Variants in SAMMSON observed in about 807,000 individuals in gnomAD.
SAMMSON encodes the protein long intergenic non-protein coding RNA 1212.
At chr3:70,023,283 C>T (rs564008042) in intron 3 of SAMMSON, among the ~76,000 whole-genome samples, 9 of 151,556 alleles carry the variant, frequency 5.9e-5, no homozygotes, top group East Asian at 2.0e-4. Context: ...AGCGAAACCC[C>T]GTCTCTAGTA....
intron 7 of SAMMSON, among the ~76,000 whole-genome samples, chr3:70,304,046 T>C (rs186083807): frequency 6.6e-5 from 10 of 152,294 alleles, no homozygotes; most frequent in Admixed American, 2.0e-4. Flanking sequence ...ACTATATCTT[T>C]AGTAGGCATT....
chr3:70,140,965 T>C (rs1039988194), intron 4 of SAMMSON, among the ~76,000 whole-genome samples: 1 of 152,190 alleles, frequency 6.6e-6, no homozygotes, highest in East Asian at 1.9e-4. Context: ...CCTTTCTCTC[T>C]GGGACTTCAT....
chr3:70,293,497 C>T (rs1702259815), intron 7 of SAMMSON, among the ~76,000 whole-genome samples: 1 of 152,006 alleles, frequency 6.6e-6, no homozygotes, highest in Non-Finnish European at 1.5e-5. Context: ...GCTGATCCTA[C>T]TATTGTGATG....
In SAMMSON at chr3:70,229,874, C is replaced by T. The variant is rs572669370; in HGVS notation, n.508-19233C>T. ...TACTGTCAATCAGCCTAGCTAATAA[C>T]ATGTTAATTTGGGATACAACTTATA... On this transcript the variant is annotated intron_variant and non_coding_transcript_variant, in intron 4 of 9. Coordinates refer to ENST00000642114, the Ensembl canonical transcript of SAMMSON. 5.9e-5 allele frequency among the ~76,000 whole-genome samples: 9 copies of T among 152,204 alleles called. No individual in the cohort carries two copies. In the South Asian group the frequency reaches 1.9e-3, roughly 32 times the overall value.
chr3:70,350,424 G>A (rs71298340), intron 7 of SAMMSON, among the ~76,000 whole-genome samples: 10,881 of 151,942 alleles, frequency 0.072, 602 homozygotes, highest in East Asian at 0.28. Flanking sequence ...TTAAAGTATA[G>A]TATTGGTATC....
intron 3 of SAMMSON, among the ~76,000 whole-genome samples, chr3:70,049,771 G>A (rs1201279025): frequency 1.3e-5 from 2 of 152,014 alleles, no homozygotes; most frequent in African/African-American, 2.4e-5. Flanking sequence ...GAAACAGTAC[G>A]TTGGTCTTAA....
chr3:70,361,516 C>T (rs1437732343), intron 9 of SAMMSON, among the ~76,000 whole-genome samples: 1 of 152,178 alleles, frequency 6.6e-6, no homozygotes, highest in African/African-American at 2.4e-5. Flanking sequence ...GCAACAAGCC[C>T]CTTCCCCACT....
chr3:70,021,250 A>G (rs906278726), intron 3 of SAMMSON, among the ~76,000 whole-genome samples: 2 of 152,160 alleles, frequency 1.3e-5, no homozygotes, highest in Non-Finnish European at 2.9e-5. Context: ...TAGTGTAATG[A>G]GTTCTCATTT....
intron 4 of SAMMSON, among the ~76,000 whole-genome samples, chr3:70,229,464 C>T (rs912556022): frequency 6.6e-6 from 1 of 152,178 alleles, no homozygotes; most frequent in Non-Finnish European, 1.5e-5. Context: ...CATAGCAGAA[C>T]TTGCTTCCTT....
At position 70,294,447 on chromosome 3, in the gene SAMMSON, T is replaced by C. The variant is rs551861739; in HGVS notation, n.739+3204T>C. 2.0e-5 allele frequency among the ~76,000 whole-genome samples: 3 copies of C among 152,138 alleles called. No individual in the cohort carries two copies. In the South Asian group the frequency reaches 6.2e-4, roughly 32 times the overall value. On this transcript the variant is annotated intron_variant and non_coding_transcript_variant, in intron 7 of 9. Transcript: ENST00000642114. ...GAATATAGAAAGGAATAAGAAACCA[T>C]ATATTCCCTGACAGTTTCAAAAAAG...
intron 4 of SAMMSON, among the ~76,000 whole-genome samples, chr3:70,074,164 T>C (rs1410159480): frequency 6.6e-6 from 1 of 152,096 alleles, no homozygotes; most frequent in Non-Finnish European, 1.5e-5. Context: ...AATTACGTAA[T>C]TCTTATGTTT....
Position 70,036,539 on chromosome 3 carries a change from T to A in SAMMSON, n.417+22867T>A, listed in dbSNP as rs141316005. Among the ~76,000 whole-genome samples, 9 of 152,288 alleles carry A rather than the reference T, an allele frequency of 5.9e-5. No homozygotes were observed. The East Asian group carries it at 1.5e-3, about 26-fold the overall frequency. The stretch of plus-strand genomic sequence containing the variant: ...TAACCCAATTCTGACCAATGAAAGT[T>A]GGACCCAGGACTTTTGTTCTAGCTT... On this transcript the variant is annotated intron_variant and non_coding_transcript_variant, in intron 3 of 9. Transcript: ENST00000642114.
intron 7 of SAMMSON, among the ~76,000 whole-genome samples, chr3:70,347,638 C>T (rs1702761461): frequency 2.0e-5 from 3 of 152,146 alleles, no homozygotes; most frequent in Admixed American, 2.0e-4. Context: ...GTTCTAGGTA[C>T]TTGGATACAG....
intron 4 of SAMMSON, among the ~76,000 whole-genome samples, chr3:70,219,091 T>C (rs1168373082): frequency 6.6e-6 from 1 of 152,206 alleles, no homozygotes; most frequent in Admixed American, 6.5e-5. Context: ...ATAGTCATTA[T>C]AGTCAAGGCT....
chr3:70,135,193 T>C (rs929485602), intron 4 of SAMMSON, among the ~76,000 whole-genome samples: 4 of 152,282 alleles, frequency 2.6e-5, no homozygotes, highest in Admixed American at 6.5e-5. Context: ...CATTGTTTTA[T>C]CATGTCAATA....
At chr3:70,297,577 G>A (rs879290239) in intron 7 of SAMMSON, among the ~76,000 whole-genome samples, 2 of 152,092 alleles carry the variant, frequency 1.3e-5, no homozygotes, top group Non-Finnish European at 2.9e-5. Context: ...ATGTATATTT[G>A]TGTTATCGGA....
At chr3:70,121,894 A>G (rs897860970) in intron 4 of SAMMSON, among the ~76,000 whole-genome samples, 2 of 152,130 alleles carry the variant, frequency 1.3e-5, no homozygotes, top group African/African-American at 4.8e-5. Context: ...TCCCCCCTGC[A>G]CAATGTTGTT....
At chr3:70,077,083 C>G (rs1195351086) in intron 4 of SAMMSON, among the ~76,000 whole-genome samples, 1 of 152,144 alleles carries the variant, frequency 6.6e-6, no homozygotes, top group African/African-American at 2.4e-5. Context: ...AACTCTGTGA[C>G]TGGCTCGCCT....
intron 4 of SAMMSON, among the ~76,000 whole-genome samples, chr3:70,233,069 G>A (rs955012473): frequency 6.6e-6 from 1 of 152,098 alleles, no homozygotes; most frequent in African/African-American, 2.4e-5. Context: ...TGCGCCTGTG[G>A]TCTCAGCTAA....
Sources: gnomAD v4.1 joint callset for allele counts (sites outside exome capture counted in the v4.1 genomes callset) on GRCh38, gnomAD v4.1.1 for gene constraint, MANE v1.5 for transcripts, NCBI Gene and HGNC (gene_info 2026-07-23, HGNC 2026-07-21) for gene names.